Variants in DSTYK observed in about 807,000 individuals in gnomAD.
DSTYK encodes the protein dual serine/threonine and tyrosine protein kinase.
In DSTYK, 34 loss-of-function variants were observed where a neutral mutation model predicts 98.7. That is an observed-to-expected ratio of 0.34 (90% confidence interval 0.26 to 0.46). DSTYK has a LOEUF of 0.46. Among genes scored for constraint, DSTYK ranks in the 20% least tolerant of loss-of-function variants. The pLI, the probability that DSTYK is intolerant of heterozygous loss-of-function variation, is 1.00. For synonymous variants in DSTYK, 462 were observed against 457.3 expected (o/e 1.01, Z -0.13); for missense variants, 962 against 1,181.7 (o/e 0.81, Z 2.73).
rs145485055 is a variant in DSTYK, at chr1:205,169,504, T to G, written c.983A>C (p.Lys328Thr). 469 of 1,614,106 alleles carry G rather than the reference T, an allele frequency of 2.9e-4. 2 individuals are homozygous for G. The African/African-American group carries it at 5.5e-3, about 19-fold the overall frequency. Residue 328 changes from lysine to threonine, a missense_variant, in exon 3 of 13, where the codon AAA (lysine) becomes ACA (threonine). This residue lies in a region of DSTYK where 660 missense variants were observed against 855.0 expected (regional missense o/e 0.77). Coordinates refer to ENST00000367162, the MANE Select transcript of DSTYK (RefSeq NM_015375.3). This position sits in a 1 kb window ranked among gnomAD's most constrained non-coding sequence, Gnocchi z 4.0. ...CTGTTCCACCAACATGCTCTGAGCTTTAGTATCCTGGCCAGGAGCCCCACA... is the reference window on the plus strand; with the variant it reads ...CTGTTCCACCAACATGCTCTGAGCTGTAGTATCCTGGCCAGGAGCCCCACA... ...WNCGAPGQDT[K>T]AQSMLVEQSE...
At chr1:205,201,852 GAAT>G (rs1659050410) in intron 1 of DSTYK, among the ~76,000 whole-genome samples, 1 of 152,124 alleles carries the variant, frequency 6.6e-6, no homozygotes, top group Non-Finnish European at 1.5e-5. Context: ...CTGAGGTCAG[GAAT>G]TCGAGACCAG....
Position 205,150,802 on chromosome 1 carries a change from C to T in DSTYK, c.2353-8G>A, listed in dbSNP as rs1482576366. Reference sequence around the variant, plus strand: ...ACGGTTCTGCTTATCCAGCTGCCAACAAAGCAGGGCAAGAGTCACCTTGTT... The same window carrying T: ...ACGGTTCTGCTTATCCAGCTGCCAATAAAGCAGGGCAAGAGTCACCTTGTT... On this transcript the variant is annotated splice_region_variant and splice_polypyrimidine_tract_variant and intron_variant, in intron 10 of 12. Transcript: ENST00000367162. This position sits in a 1 kb window ranked among gnomAD's most constrained non-coding sequence, Gnocchi z 4.1. The T allele has an allele frequency of 1.2e-6, 2 of 1,611,266 alleles. No individual in the cohort carries two copies.
At chr1:205,176,971 G>A (rs1213432267) in intron 2 of DSTYK, among the ~76,000 whole-genome samples, 2 of 152,058 alleles carry the variant, frequency 1.3e-5, no homozygotes, top group Admixed American at 1.3e-4. Context: ...TTGGAAGGCT[G>A]AGGCTGGAAG....
Position 205,146,053 on chromosome 1 carries a change from A to T in DSTYK, c.*1505T>A, listed in dbSNP as rs961249574. The T allele has an allele frequency of 6.6e-6, 1 of 152,184 alleles. No homozygotes were observed. The highest frequency in any genetic ancestry group is 1.5e-5 in the Non-Finnish European group (1 of 68,028). The allele number at this position is 152,184 out of a possible 1,614,324, so 9.4% of individuals were successfully genotyped here. On this transcript the variant is annotated 3_prime_UTR_variant, in exon 13 of 13. Coordinates refer to ENST00000367162, the MANE Select transcript of DSTYK (RefSeq NM_015375.3). ...ACTAGCACACAGGGGTGAGGGGCAC[A>T]CACAGAACTACCAGAGGAGGGTTTT...
intron 1 of DSTYK, among the ~76,000 whole-genome samples, chr1:205,210,583 T>C (rs1300865125): frequency 6.6e-6 from 1 of 152,216 alleles, no homozygotes; most frequent in Non-Finnish European, 1.5e-5. Flanking sequence ...GAAAGAATCA[T>C]GCAAGAAAGA....
intron 1 of DSTYK, among the ~76,000 whole-genome samples, chr1:205,188,500 G>C (rs139013599): frequency 2.0e-5 from 3 of 152,224 alleles, no homozygotes; most frequent in East Asian, 1.9e-4. Context: ...ACAGTGGTAA[G>C]TATTTGTGTA....
intron 1 of DSTYK, among the ~76,000 whole-genome samples, chr1:205,206,194 G>C (rs1659192246): frequency 1.3e-5 from 2 of 151,960 alleles, no homozygotes; most frequent in Non-Finnish European, 2.9e-5. Flanking sequence ...ACATTGCTCA[G>C]TACATACCAG....
chr1:205,211,152 A>T, intron 1 of DSTYK, 119 bp downstream of exon 1: 1 of 1,399,214 alleles, frequency 7.1e-7, no homozygotes, highest in South Asian at 1.5e-5. Context: ...CGGCCACACG[A>T]CACGACTGCC....
chr1:205,157,341 C>G lies in DSTYK; in HGVS notation c.2284G>C (p.Val762Leu), dbSNP rs1425760692. 1.2e-6 allele frequency: 2 copies of G among 1,614,044 alleles called. No individual in the cohort carries two copies. The highest frequency in any genetic ancestry group is 1.1e-5 in the South Asian group (1 of 91,088). Residue 762 changes from valine (V) to leucine (L), a missense_variant, in exon 10 of 13, where the codon GTG (valine) becomes CTG (leucine). Val to Leu is a conservative substitution (Grantham distance 32). Transcript: ENST00000367162. ...ETRLQIALDV[V>L]EGIRFLHSQG... is the part of the protein sequence containing the mutation. ...CTGTGCAGGAAGCGGATTCCCTCCA[C>G]CACATCTAGTGCTATCTGCAAACGT...
At chr1:205,164,712 C>T (rs1657836996) in intron 3 of DSTYK, among the ~76,000 whole-genome samples, 1 of 152,134 alleles carries the variant, frequency 6.6e-6, no homozygotes. Context: ...CTGCCCACCT[C>T]GGCCTCCCAA....
rs1657748109 is a variant in DSTYK at position 205,162,205 on chromosome 1, T to C, written c.1649A>G (p.Gln550Arg). Reference sequence around the variant, plus strand: ...AGGTGGGCTCACCCATGTGATGCGCTGGATGATCTACCAGGATGAAGACAG... The same window carrying C: ...AGGTGGGCTCACCCATGTGATGCGCCGGATGATCTACCAGGATGAAGACAG... ...MLWEQIKQIIQRITWVSPPAI... is the reference protein window; with the variant it reads ...MLWEQIKQIIRRITWVSPPAI... Residue 550 changes from glutamine to arginine, a missense_variant, in exon 6 of 13, where the codon CAG becomes CGG. Around this residue, in one of 4 missense-constraint regions of DSTYK, gnomAD observed 660 missense variants for 855.0 expected, o/e 0.77. Coordinates refer to ENST00000367162, the MANE Select transcript of DSTYK (RefSeq NM_015375.3). 1.2e-6 allele frequency: 2 copies of C among 1,614,002 alleles called. No homozygotes were observed. Among genetic ancestry groups the C allele is most frequent in the Non-Finnish European group, 1.7e-6 (2 of 1,179,888 alleles).
At chr1:205,209,883 T>TTTA (rs1424802830) in intron 1 of DSTYK, among the ~76,000 whole-genome samples, 33 of 149,170 alleles carry the variant, frequency 2.2e-4, no homozygotes, top group African/African-American at 8.0e-4. Flanking sequence ...CCCAGTGTCT[T>TTTA]TTATTATTAC....
Position 205,157,535 on chromosome 1 carries a change from G to A in DSTYK, c.2239-149C>T, listed in dbSNP as rs144138465. The A allele has an allele frequency of 5.1e-5, 29 of 567,480 alleles. No individual in the cohort carries two copies. In the East Asian group the frequency reaches 8.5e-4, roughly 17 times the overall value. The allele number at this position is 567,480 out of a possible 1,614,324, so 35.2% of individuals were successfully genotyped here. A position where few individuals can be genotyped will look rare whatever the true frequency, so the allele number is the denominator to read the frequency against. On this transcript the variant is annotated intron_variant, in intron 9 of 12. Transcript: ENST00000367162. Reference sequence around the variant, plus strand: ...CATGCCTGTAACCCCAGCACTTAGGGAGGCCAAGGTCAAGAATTTCAAGAC... The same window carrying A: ...CATGCCTGTAACCCCAGCACTTAGGAAGGCCAAGGTCAAGAATTTCAAGAC...
In DSTYK at chr1:205,145,405, TATATG is replaced by T. The variant is rs966681657; in HGVS notation, c.*2148_*2152del. The stretch of plus-strand genomic sequence containing the variant: ...CCAGGATAGCCAAAGAGTTAAAAGT[TATATG>T]AAAGACCCATTATAGACTCCATTTA... On this transcript the variant is annotated 3_prime_UTR_variant, in exon 13 of 13. Transcript: ENST00000367162. The T allele has an allele frequency of 2.0e-5, 3 of 152,146 alleles. No homozygotes were observed. The highest frequency in any genetic ancestry group is 7.2e-5 in the African/African-American group (3 of 41,442). 9.4% of individuals were successfully genotyped at this position (152,146 alleles called of 1,614,324 possible). A position where few individuals can be genotyped will look rare whatever the true frequency, so the allele number is the denominator to read the frequency against.
At chr1:205,187,930 T>G in intron 1 of DSTYK, 124 bp from the exon 2 acceptor site, 38 of 930,284 alleles carry the variant, frequency 4.1e-5, no homozygotes, top group Non-Finnish European at 5.6e-5. Context: ...GAGAAATTTC[T>G]AGGAACCTTG....
intron 3 of DSTYK, among the ~76,000 whole-genome samples, 186 bp from the exon 4 acceptor site, chr1:205,164,141 G>T (rs1024980773): frequency 6.6e-6 from 1 of 152,096 alleles, no homozygotes; most frequent in Non-Finnish European, 1.5e-5. Flanking sequence ...ACTACTAAAG[G>T]CAGCTAAGAT....
chr1:205,174,568 A>C (rs1574772531), intron 2 of DSTYK, among the ~76,000 whole-genome samples: 1 of 150,782 alleles, frequency 6.6e-6, no homozygotes, highest in Non-Finnish European at 1.5e-5. Context: ...CTGTAGTCTC[A>C]GCTACTTGGG....
At chr1:205,164,016 A>T in intron 3 of DSTYK, 61 bp from the exon 4 acceptor site, 1 of 1,408,642 alleles carries the variant, frequency 7.1e-7, no homozygotes. Context: ...CACACTAAAT[A>T]AAGTCATCTC....
Position 205,163,970 on chromosome 1 carries a change from A to C in DSTYK, c.1325-15T>G. ...GACAATGACGTCTATGGAGGCAGAG[A>C]AATAAGCTGAATAGTTGTGAGGAAG... On this transcript the variant is annotated splice_polypyrimidine_tract_variant and intron_variant, in intron 3 of 12. Transcript: ENST00000367162. 1 of 1,607,876 alleles carries C rather than the reference A, an allele frequency of 6.2e-7. No individual in the cohort carries two copies. Among genetic ancestry groups the C allele is most frequent in the South Asian group, 1.1e-5 (1 of 90,946 alleles).
Sources: gnomAD v4.1 joint callset for allele counts (sites outside exome capture counted in the v4.1 genomes callset) on GRCh38, gnomAD v4.1.1 for gene constraint, gnomAD v4.1.1 regional missense constraint, Gnocchi (gnomAD v3.1) non-coding constraint, MANE v1.5 for transcripts, NCBI Gene and HGNC (gene_info 2026-07-23, HGNC 2026-07-21) for gene names.